The following EXOC6B variants were observed in gnomAD, a reference collection of about 807,000 sequenced individuals.
EXOC6B encodes SEC15 homolog B.
EXOC6B carries 54 observed loss-of-function variants against 113.5 expected under a neutral mutation model. That is an observed-to-expected ratio of 0.48 (90% CI 0.38 to 0.60). The LOEUF is 0.60. Ranked by LOEUF, EXOC6B falls within the 20% of genes least tolerant of loss-of-function variation. EXOC6B has a pLI of 0.00. For missense variants in EXOC6B, 797 were observed against 977.5 expected (o/e 0.82, Z 2.46); for synonymous variants, 357 against 339.0 (o/e 1.05, Z -0.58).
intron 8 of EXOC6B, among the ~76,000 whole-genome samples, chr2:72,559,157 C>T (rs1703745274): frequency 6.6e-6 from 1 of 151,990 alleles, no homozygotes; most frequent in Non-Finnish European, 1.5e-5. Flanking sequence ...TGTGTAAAGA[C>T]AGAATATTGT....
At chr2:72,672,308 T>A (rs1230832225) in intron 6 of EXOC6B, among the ~76,000 whole-genome samples, 1 of 151,266 alleles carries the variant, frequency 6.6e-6, no homozygotes, top group Admixed American at 6.6e-5. Flanking sequence ...TCAACCTACA[T>A]ATCCATCAAT....
At chr2:72,743,441 T>C (rs571559150) in intron 1 of EXOC6B, among the ~76,000 whole-genome samples, 6 of 152,334 alleles carry the variant, frequency 3.9e-5, no homozygotes, top group African/African-American at 1.4e-4. Context: ...ATCCTCTAAG[T>C]TCCAGCTACC....
intron 1 of EXOC6B, among the ~76,000 whole-genome samples, chr2:72,784,036 G>T (rs1316619774): frequency 1.3e-5 from 2 of 152,102 alleles, no homozygotes; most frequent in Non-Finnish European, 2.9e-5. Flanking sequence ...AACGGTGAGG[G>T]GGTCCAGTTT....
intron 6 of EXOC6B, among the ~76,000 whole-genome samples, chr2:72,682,463 CT>C (rs1255814283): frequency 7.2e-5 from 11 of 151,872 alleles, no homozygotes; most frequent in Admixed American, 6.6e-5. Flanking sequence ...TTCTTTTTAC[CT>C]TTTTTTAAAT....
chr2:72,410,981 G>A (rs1228836510), intron 18 of EXOC6B, among the ~76,000 whole-genome samples: 3 of 152,282 alleles, frequency 2.0e-5, no homozygotes, highest in East Asian at 1.9e-4. Flanking sequence ...GGCCAAGGCC[G>A]GTGGATAGCC....
chr2:72,295,692 T>C (rs1258816806), intron 20 of EXOC6B, among the ~76,000 whole-genome samples: 1 of 152,204 alleles, frequency 6.6e-6, no homozygotes, highest in Admixed American at 6.5e-5. Context: ...AGGAACTGCA[T>C]GCTGTATGAT....
chr2:72,354,695 T>C (rs1261212305), intron 19 of EXOC6B, among the ~76,000 whole-genome samples: 3 of 152,188 alleles, frequency 2.0e-5, no homozygotes, highest in Admixed American at 6.5e-5. Context: ...TCAGAGAGTA[T>C]AGGGTCCATC....
At chr2:72,713,343 AT>A (rs1353316606) in intron 6 of EXOC6B, among the ~76,000 whole-genome samples, 1 of 152,210 alleles carries the variant, frequency 6.6e-6, no homozygotes, top group Non-Finnish European at 1.5e-5. Context: ...TCTCAGTACA[AT>A]TCTAAAGAAG....
chr2:72,224,786 C>T (rs1354542536), intron 20 of EXOC6B, among the ~76,000 whole-genome samples: 1 of 148,900 alleles, frequency 6.7e-6, no homozygotes, highest in East Asian at 2.0e-4. Flanking sequence ...CATGCTGCCA[C>T]GTCCAGCTAA....
chr2:72,194,230 T>A (rs1203787736), intron 20 of EXOC6B, among the ~76,000 whole-genome samples: 1 of 152,118 alleles, frequency 6.6e-6, no homozygotes, highest in Admixed American at 6.5e-5. Flanking sequence ...AATTATTTTA[T>A]GGGAGAAAAA....
chr2:72,628,454 T>A (rs1672191498), intron 6 of EXOC6B, among the ~76,000 whole-genome samples: 1 of 152,130 alleles, frequency 6.6e-6, no homozygotes. Flanking sequence ...TAAATTAATC[T>A]TCAATGTATT....
chr2:72,516,748 C>A (rs1407801139), intron 8 of EXOC6B, among the ~76,000 whole-genome samples: 1 of 152,150 alleles, frequency 6.6e-6, no homozygotes, highest in Non-Finnish European at 1.5e-5. Context: ...TTAACTTTCA[C>A]TAATAAGTGT....
At chr2:72,280,748 A>G (rs1685081403) in intron 20 of EXOC6B, among the ~76,000 whole-genome samples, 1 of 152,136 alleles carries the variant, frequency 6.6e-6, no homozygotes, top group African/African-American at 2.4e-5. Flanking sequence ...GATCTGGAAG[A>G]GAAAGGGAGC....
chr2:72,225,007 A>ATATATATATATATATAT (rs1681138635), intron 20 of EXOC6B, among the ~76,000 whole-genome samples: 3 of 114,174 alleles, frequency 2.6e-5, no homozygotes, highest in African/African-American at 8.9e-5. Context: ...TATATATATA[A>ATATATATATATATATAT]ATACACATAC....
intron 6 of EXOC6B, among the ~76,000 whole-genome samples, chr2:72,673,380 C>T (rs1378451304): frequency 2.6e-5 from 4 of 152,244 alleles, no homozygotes; most frequent in Admixed American, 1.3e-4. Context: ...GTTCCCAACA[C>T]AGGGATGCCT....
intron 1 of EXOC6B, among the ~76,000 whole-genome samples, chr2:72,813,864 A>G (rs1412486096): frequency 1.3e-5 from 2 of 152,198 alleles, no homozygotes; most frequent in African/African-American, 2.4e-5. Flanking sequence ...TCACTGGACA[A>G]TGTGTGTTTT....
chr2:72,240,013 A>G (rs1437137941), intron 20 of EXOC6B, among the ~76,000 whole-genome samples: 1 of 152,218 alleles, frequency 6.6e-6, no homozygotes, highest in African/African-American at 2.4e-5. Context: ...ATACCAAGGT[A>G]CAAGTACATG....
At chr2:72,735,950 T>C (rs1328710687) in intron 2 of EXOC6B, among the ~76,000 whole-genome samples, 1 of 151,936 alleles carries the variant, frequency 6.6e-6, no homozygotes, top group Admixed American at 6.6e-5. Flanking sequence ...TCTGGGAGGC[T>C]GAGGCAGCAG....
chr2:72,409,901 C>A (rs923759687), intron 18 of EXOC6B, among the ~76,000 whole-genome samples: 7 of 151,870 alleles, frequency 4.6e-5, no homozygotes, highest in Non-Finnish European at 1.0e-4. Flanking sequence ...ATAAAAAAAA[C>A]TTAAAAATAT....
Sources: gnomAD v4.1 joint callset for allele counts (sites outside exome capture counted in the v4.1 genomes callset) on GRCh38, gnomAD v4.1.1 for gene constraint, MANE v1.5 for transcripts, NCBI Gene and HGNC (gene_info 2026-07-23, HGNC 2026-07-21) for gene names.